The following PARD3 variants were observed in gnomAD, a reference collection of about 807,000 sequenced individuals.
PARD3 encodes partitioning defective 3 homolog.
A neutral mutation model predicts 155.4 loss-of-function variants in PARD3; 75 were observed. That is an observed-to-expected ratio of 0.48 (90% CI 0.40 to 0.58). The LOEUF (loss-of-function observed/expected upper bound fraction) is 0.58, where lower values mean the gene tolerates loss of function less well. PARD3 is among the 20% of genes least tolerant of loss of function. The pLI is 0.00. For synonymous variants in PARD3, 576 were observed against 610.5 expected (o/e 0.94, Z 0.83); for missense variants, 1,642 against 1,721.7 (o/e 0.95, Z 0.82).
chr10:34,297,648 TA>T (rs1956967949), intron 20 of PARD3, among the ~76,000 whole-genome samples: 2 of 152,162 alleles, frequency 1.3e-5, no homozygotes, highest in African/African-American at 4.8e-5. Context: ...TCTTTTTGGT[TA>T]AATGAAAATG....
chr10:34,507,152 C>G (rs982422262), intron 3 of PARD3, among the ~76,000 whole-genome samples: 5 of 152,164 alleles, frequency 3.3e-5, no homozygotes, highest in African/African-American at 7.2e-5. Flanking sequence ...AATGCCAATA[C>G]AGCTCCCAGT....
At chr10:34,735,642 G>A (rs566926965) in intron 1 of PARD3, among the ~76,000 whole-genome samples, 4 of 152,206 alleles carry the variant, frequency 2.6e-5, no homozygotes, top group Admixed American at 1.3e-4. Context: ...AAACTTTCCC[G>A]TAAGAAAATA....
rs79273194 is a variant in PARD3, at chr10:34,411,408, T to C, written c.715-9491A>G. ...AGAGATTAACATTTAAATCAGGAAA[T>C]TGAGAAAAGCCCAGTGTCCTCCCTA... On this transcript the variant is annotated intron_variant, in intron 5 of 24. Transcript: ENST00000374788. Among the ~76,000 whole-genome samples the C allele has an allele frequency of 2.5e-3, 379 of 152,222 alleles. 11 individuals carry two copies. In the East Asian group the frequency reaches 0.061, roughly 25 times the overall value.
At chr10:34,406,455 A>G (rs1052143732) in intron 5 of PARD3, among the ~76,000 whole-genome samples, 4 of 152,236 alleles carry the variant, frequency 2.6e-5, no homozygotes, top group Non-Finnish European at 5.9e-5. Flanking sequence ...ACCAGTTCAG[A>G]TAAGAGCAGG....
chr10:34,727,337 C>A (rs1006521967), intron 1 of PARD3, among the ~76,000 whole-genome samples: 1 of 152,200 alleles, frequency 6.6e-6, no homozygotes, highest in Non-Finnish European at 1.5e-5. Flanking sequence ...CACGTTCCCA[C>A]GTTTTATGCA....
chr10:34,119,007 C>T (rs897451200), intron 24 of PARD3, among the ~76,000 whole-genome samples: 5 of 152,164 alleles, frequency 3.3e-5, no homozygotes, highest in African/African-American at 9.7e-5. Context: ...AGGCCTTTGT[C>T]GGAGAACTGG....
intron 5 of PARD3, among the ~76,000 whole-genome samples, chr10:34,438,048 A>G (rs1691220871): frequency 6.6e-6 from 1 of 152,130 alleles, no homozygotes. Context: ...CCCTCTACAA[A>G]GCCTCTGGAG....
intron 8 of PARD3, among the ~76,000 whole-genome samples, chr10:34,383,683 AGT>A: frequency 6.6e-6 from 1 of 152,192 alleles, no homozygotes; most frequent in Admixed American, 6.5e-5. Context: ...ATCAAGATAA[AGT>A]GTATCTGAAT....
intron 23 of PARD3, among the ~76,000 whole-genome samples, chr10:34,120,375 A>G (rs1564408441): frequency 6.6e-6 from 1 of 151,878 alleles, no homozygotes; most frequent in Non-Finnish European, 1.5e-5. Flanking sequence ...GAATACACAG[A>G]GCAGATACAA....
intron 2 of PARD3, among the ~76,000 whole-genome samples, chr10:34,603,400 C>T (rs10827385): frequency 0.35 from 53,499 of 152,066 alleles, 9,708 homozygotes; most frequent in South Asian, 0.43. Context: ...TGCCCAATGA[C>T]ATTATTAACT....
In PARD3 at chr10:34,342,545, A is replaced by G. The variant is rs559415481; in HGVS notation, c.2219-729T>C. On this transcript the variant is annotated intron_variant, in intron 15 of 24. Transcript: ENST00000374788. ...CATGATGCAGTCAGGTGAAACTTAA[A>G]AGATGAGTATTACCAAAAACAAAGC... is the stretch of plus-strand genomic sequence containing the variant. 2.0e-4 allele frequency among the ~76,000 whole-genome samples: 30 copies of G among 152,304 alleles called. No individual in the cohort carries two copies. In the East Asian group the frequency reaches 5.6e-3, roughly 28 times the overall value.
intron 10 of PARD3, 27 bp from the exon 11 acceptor site, chr10:34,375,029 G>A (rs1367927304): frequency 1.3e-6 from 2 of 1,544,982 alleles, no homozygotes; most frequent in Non-Finnish European, 1.8e-6. Flanking sequence ...GTTTTCAGCT[G>A]TAATCCTGTG....
chr10:34,270,034 C>A, intron 21 of PARD3, 135 bp from the exon 22 acceptor site: 1 of 814,530 alleles, frequency 1.2e-6, no homozygotes. Context: ...GTATAAATGA[C>A]AGGTCATACA....
intron 2 of PARD3, among the ~76,000 whole-genome samples, chr10:34,547,886 G>A (rs1197572232): frequency 2.0e-5 from 3 of 152,180 alleles, no homozygotes; most frequent in Non-Finnish European, 4.4e-5. Context: ...ATTATGAAGT[G>A]TTAACATAAA....
intron 1 of PARD3, among the ~76,000 whole-genome samples, chr10:34,741,256 C>A (rs965263046): frequency 7.1e-6 from 1 of 141,308 alleles, no homozygotes; most frequent in Admixed American, 7.9e-5. Flanking sequence ...GCGATCACAA[C>A]CTTCTGCAGC....
At chr10:34,462,915 G>A (rs1564741455) in intron 4 of PARD3, among the ~76,000 whole-genome samples, 1 of 120,924 alleles carries the variant, frequency 8.3e-6, no homozygotes, top group African/African-American at 3.2e-5. Flanking sequence ...GGAGAGGAGG[G>A]GAGAGGGGAG....
chr10:34,713,894 T>C (rs930581520), intron 1 of PARD3, among the ~76,000 whole-genome samples: 2 of 152,160 alleles, frequency 1.3e-5, no homozygotes, highest in Non-Finnish European at 2.9e-5. Flanking sequence ...GTAACTATAA[T>C]ATTGGGTGGT....
chr10:34,561,045 A>G (rs1029482269), intron 2 of PARD3, among the ~76,000 whole-genome samples: 1 of 152,204 alleles, frequency 6.6e-6, no homozygotes, highest in Non-Finnish European at 1.5e-5. Flanking sequence ...CCTGCTACTC[A>G]GCGTCAAGTG....
intron 22 of PARD3, among the ~76,000 whole-genome samples, chr10:34,157,698 T>C (rs1949074679): frequency 1.3e-5 from 2 of 152,192 alleles, no homozygotes; most frequent in Non-Finnish European, 1.5e-5. Flanking sequence ...GAAACCATCA[T>C]CTGCTTCCTA....
Sources: allele counts gnomAD v4.1 joint callset (sites outside exome capture counted in the v4.1 genomes callset), GRCh38; gene constraint gnomAD v4.1.1; transcripts MANE v1.5; gene names NCBI Gene and HGNC (gene_info 2026-07-23, HGNC 2026-07-21).